RBFOX1: variants seen among roughly 807,000 people sequenced by gnomAD.
The protein encoded by RBFOX1 is RNA binding protein fox-1 homolog 1.
In RBFOX1, 8 loss-of-function variants were observed where a neutral mutation model predicts 57.7. The ratio of observed to expected loss-of-function variants is 0.14; its 90% confidence interval spans 0.08 to 0.25. The LOEUF (loss-of-function observed/expected upper bound fraction) is 0.25. RBFOX1 is among the 10% of genes least tolerant of loss of function. The probability of loss-of-function intolerance (pLI) is 1.00; values close to 1 mark genes in which losing one functional copy is unlikely to be tolerated. For missense variants in RBFOX1, 611 were observed against 548.5 expected (o/e 1.11, Z -1.14); for synonymous variants, 326 against 222.4 (o/e 1.47, Z -4.15).
intron 3 of RBFOX1, among the ~76,000 whole-genome samples, chr16:6,914,981 C>A (rs888736164): frequency 6.6e-6 from 1 of 152,240 alleles, no homozygotes; most frequent in African/African-American, 2.4e-5. Flanking sequence ...ATTATTATTA[C>A]AGCACTATTG....
intron 1 of RBFOX1, among the ~76,000 whole-genome samples, chr16:5,435,093 C>T (rs2067875087): frequency 6.6e-6 from 1 of 152,178 alleles, no homozygotes; most frequent in Non-Finnish European, 1.5e-5. Context: ...ATAAATAATG[C>T]AGTTAGACTG....
At chr16:5,659,404 C>G (rs9646292) in intron 3 of RBFOX1, among the ~76,000 whole-genome samples, 17,450 of 150,988 alleles carry the variant, frequency 0.12, 1,320 homozygotes, top group East Asian at 0.26. Context: ...CCCGGGTTCA[C>G]GTCATTCTCC....
chr16:6,423,513 T>A (rs2093834139), intron 2 of RBFOX1, among the ~76,000 whole-genome samples: 1 of 152,172 alleles, frequency 6.6e-6, no homozygotes, highest in Non-Finnish European at 1.5e-5. Flanking sequence ...GTGAGAGAAT[T>A]GCTCGAACCT....
intron 2 of RBFOX1, among the ~76,000 whole-genome samples, chr16:5,513,662 A>T (rs8063331): frequency 1.3e-5 from 2 of 152,048 alleles, no homozygotes; most frequent in Admixed American, 1.3e-4. Flanking sequence ...TTATTTATTC[A>T]ATCATTTATT....
At chr16:6,346,713 C>G (rs977310149) in intron 2 of RBFOX1, among the ~76,000 whole-genome samples, 2 of 152,180 alleles carry the variant, frequency 1.3e-5, no homozygotes, top group African/African-American at 2.4e-5. Flanking sequence ...GATAATGCCT[C>G]AAGAAATGCC....
At chr16:7,212,266 A>G (rs2091285347) in intron 4 of RBFOX1, among the ~76,000 whole-genome samples, 1 of 152,188 alleles carries the variant, frequency 6.6e-6, no homozygotes, top group Non-Finnish European at 1.5e-5. Context: ...TTGCCATCAC[A>G]GCAGCTGCCT....
At chr16:6,492,484 G>A (rs139757284) in intron 2 of RBFOX1, among the ~76,000 whole-genome samples, 2 of 152,082 alleles carry the variant, frequency 1.3e-5, no homozygotes, top group Non-Finnish European at 2.9e-5. Context: ...CAGGAGAATC[G>A]CTTGAACCCG....
At chr16:6,989,808 T>A (rs1283438544) in intron 3 of RBFOX1, among the ~76,000 whole-genome samples, 1 of 152,110 alleles carries the variant, frequency 6.6e-6, no homozygotes, top group Non-Finnish European at 1.5e-5. Context: ...GAAACTAGCC[T>A]GGCTAACATG....
intron 2 of RBFOX1, among the ~76,000 whole-genome samples, chr16:6,577,675 C>T (rs2097461162): frequency 6.6e-6 from 1 of 152,120 alleles, no homozygotes; most frequent in African/African-American, 2.4e-5. Context: ...TCCACATGGT[C>T]CCAGGGGAAG....
intron 4 of RBFOX1, among the ~76,000 whole-genome samples, chr16:5,879,865 G>A (rs1362954253): frequency 6.6e-6 from 1 of 152,184 alleles, no homozygotes; most frequent in Non-Finnish European, 1.5e-5. Flanking sequence ...GGGAAGAAAG[G>A]AAACGGGGAA....
chr16:6,155,853 G>C (rs1040633504), intron 1 of RBFOX1, among the ~76,000 whole-genome samples: 1 of 152,142 alleles, frequency 6.6e-6, no homozygotes, highest in African/African-American at 2.4e-5. Flanking sequence ...ACTCTGGTGA[G>C]AGACTTTTTA....
In RBFOX1 at chr16:7,164,142, G is replaced by T. The variant is rs9940657; in HGVS notation, c.27+112044G>T. On this transcript the variant is annotated intron_variant, in intron 4 of 15. Transcript: ENST00000550418. ...TCCCACCCTTTACCCAGAGTCCCCAGAATCCACTGTATCATTCTTACGTCT... is the reference window on the plus strand; with the variant it reads ...TCCCACCCTTTACCCAGAGTCCCCATAATCCACTGTATCATTCTTACGTCT... 7.1e-3 allele frequency among the ~76,000 whole-genome samples: 1,075 copies of T among 152,108 alleles called. 17 individuals carry two copies. The highest frequency in any genetic ancestry group is 0.025 in the African/African-American group (1,033 of 41,488).
intron 2 of RBFOX1, among the ~76,000 whole-genome samples, chr16:5,521,970 C>A (rs2044038148): frequency 6.6e-6 from 1 of 152,304 alleles, no homozygotes; most frequent in South Asian, 2.1e-4. Context: ...AGGGAAAAGA[C>A]TTACTAGGCT....
At chr16:7,190,717 G>C (rs9929576) in intron 4 of RBFOX1, among the ~76,000 whole-genome samples, 1,745 of 146,756 alleles carry the variant, frequency 0.012, 32 homozygotes, top group African/African-American at 0.041. Context: ...GATCCACTGT[G>C]TTCTCCTGGC....
At chr16:7,045,057 C>A (rs1056337822) in intron 3 of RBFOX1, among the ~76,000 whole-genome samples, 1 of 152,138 alleles carries the variant, frequency 6.6e-6, no homozygotes, top group Non-Finnish European at 1.5e-5. Flanking sequence ...GCTCTTTCTT[C>A]ACGGAAGATG....
At chr16:6,977,519 C>T (rs1174459650) in intron 3 of RBFOX1, among the ~76,000 whole-genome samples, 1 of 152,082 alleles carries the variant, frequency 6.6e-6, no homozygotes, top group Non-Finnish European at 1.5e-5. Context: ...CCAGCCCTCA[C>T]TCAAAATGGA....
chr16:7,240,435 A>G (rs900793404), intron 4 of RBFOX1, among the ~76,000 whole-genome samples: 2 of 152,236 alleles, frequency 1.3e-5, no homozygotes, highest in East Asian at 3.8e-4. Flanking sequence ...TCTGCATTTG[A>G]TACATATAGT....
chr16:6,575,432 G>T (rs1189254589), intron 2 of RBFOX1, among the ~76,000 whole-genome samples: 2 of 152,132 alleles, frequency 1.3e-5, no homozygotes, highest in Admixed American at 6.5e-5. Flanking sequence ...TGAGCTGATT[G>T]ATACAAACAA....
intron 3 of RBFOX1, among the ~76,000 whole-genome samples, chr16:5,678,136 C>G (rs1458313632): frequency 6.6e-6 from 1 of 152,162 alleles, no homozygotes; most frequent in Non-Finnish European, 1.5e-5. Context: ...TTCCTTTCTT[C>G]TCTTCTGGGC....
Sources: gnomAD v4.1 joint callset for allele counts (sites outside exome capture counted in the v4.1 genomes callset) on GRCh38, gnomAD v4.1.1 for gene constraint, MANE v1.5 for transcripts, NCBI Gene and HGNC (gene_info 2026-07-23, HGNC 2026-07-21) for gene names.